Variants in TCF3 observed in about 807,000 individuals in gnomAD.
The protein encoded by TCF3 is transcription factor E2-alpha.
In TCF3, 54 loss-of-function variants were observed where a neutral mutation model predicts 72.3. The ratio of observed to expected loss-of-function variants is 0.75; its 90% confidence interval spans 0.60 to 0.94. TCF3 has a LOEUF of 0.94. Ranked by LOEUF, TCF3 falls within the 40% of genes least tolerant of loss-of-function variation. The probability of loss-of-function intolerance (pLI) is 0.00; values close to 1 mark genes in which losing one functional copy is unlikely to be tolerated. For synonymous variants in TCF3, 525 were observed against 412.6 expected (o/e 1.27, Z -3.30); for missense variants, 1,078 against 934.4 (o/e 1.15, Z -2.00).
chr19:1,652,108 C>G (rs952441553), intron 1 of TCF3, among the ~76,000 whole-genome samples, 192 bp downstream of exon 1: 12 of 150,446 alleles, frequency 8.0e-5, no homozygotes, highest in African/African-American at 2.9e-4. Flanking sequence ...GGCTCCTCCA[C>G]GTCGCCGCCC....
chr19:1,633,456 C>T (rs746480187), intron 3 of TCF3, among the ~76,000 whole-genome samples: 39 of 152,256 alleles, frequency 2.6e-4, no homozygotes, highest in Non-Finnish European at 5.1e-4. Flanking sequence ...CAGGCTCCCC[C>T]GCCCCGCCCC....
At chr19:1,635,697 T>C (rs576504198) in intron 3 of TCF3, among the ~76,000 whole-genome samples, 1 of 152,304 alleles carries the variant, frequency 6.6e-6, no homozygotes, top group African/African-American at 2.4e-5. Flanking sequence ...GGGACCACAC[T>C]ACCAACTGCT....
chr19:1,632,667 A>T (rs889369727), intron 3 of TCF3, among the ~76,000 whole-genome samples: 1 of 151,938 alleles, frequency 6.6e-6, no homozygotes, highest in African/African-American at 2.4e-5. Flanking sequence ...CTACCCACCC[A>T]CTAAAGCCCC....
intron 18 of TCF3, among the ~76,000 whole-genome samples, chr19:1,613,266 G>A (rs1382641120): frequency 6.6e-6 from 1 of 152,178 alleles, no homozygotes; most frequent in Non-Finnish European, 1.5e-5. Context: ...TACGCGACTG[G>A]CTGCCCAGGT....
In TCF3 at chr19:1,622,146, AG is replaced by A; in HGVS notation, c.729del (p.Ser244HisfsTer40). 1 of 1,584,686 alleles carries A rather than the reference AG, an allele frequency of 6.3e-7. No homozygotes were observed. The highest frequency in any genetic ancestry group is 8.6e-7 in the Non-Finnish European group (1 of 1,167,956). On this transcript the variant is annotated frameshift_variant, in exon 10 of 19. Coordinates refer to ENST00000262965, the MANE Select transcript of TCF3 (RefSeq NM_003200.5). LOFTEE classifies it high-confidence loss of function. ...CCGGGCGGGAGGGGCAGCGGGGATG[AG>A]CCCCCACCCAGCATGGGCCCGAAGC... Reference protein sequence around the residue: ...QAGFGPMLGGGSSPLPLPPGS... With the variant: ...QAGFGPMLGGXSSPLPLPPGS...
rs376627351 is a variant in TCF3 at position 1,621,867 on chromosome 19, G to A, written c.926C>T (p.Pro309Leu). The A allele has an allele frequency of 5.6e-6, 9 of 1,594,326 alleles. No homozygotes were observed. The highest frequency in any genetic ancestry group is 1.7e-6 in the Non-Finnish European group (2 of 1,172,074). ...GAGGCTGTCGGCCCCGCTGACAGGC[G>A]GCGTGTGGCTGGAGACGCCGCCGTA... ...ATYGGVSSHT[P>L]PVSGADSLLG... Residue 309 changes from proline (P) to leucine (L), a missense_variant, in exon 11 of 19, where the codon CCG becomes CTG. Coordinates refer to ENST00000262965, the MANE Select transcript of TCF3 (RefSeq NM_003200.5).
chr19:1,633,620 T>C (rs1306916929), intron 3 of TCF3, among the ~76,000 whole-genome samples: 1 of 152,242 alleles, frequency 6.6e-6, no homozygotes, highest in Non-Finnish European at 1.5e-5. Flanking sequence ...GTCTAATGAA[T>C]ATTCATGCGC....
chr19:1,626,833 T>A (rs2062942811), intron 6 of TCF3, among the ~76,000 whole-genome samples: 1 of 152,108 alleles, frequency 6.6e-6, no homozygotes, highest in South Asian at 2.1e-4. Context: ...GCCCCACCTG[T>A]GACAAGGCCG....
At chr19:1,646,205 T>C in intron 3 of TCF3, 150 bp downstream of exon 3, 1 of 856,136 alleles carries the variant, frequency 1.2e-6, no homozygotes, top group Non-Finnish European at 1.8e-6. Context: ...TTCAGGGGTC[T>C]TCAGGCTCGC....
intron 2 of TCF3, among the ~76,000 whole-genome samples, chr19:1,646,843 A>C (rs1288544894): frequency 6.6e-6 from 1 of 152,238 alleles, no homozygotes; most frequent in East Asian, 1.9e-4. Context: ...GTTTACACTC[A>C]ACAGGTGGAC....
At chr19:1,632,962 G>C (rs1340231989) in intron 3 of TCF3, among the ~76,000 whole-genome samples, 1 of 152,240 alleles carries the variant, frequency 6.6e-6, no homozygotes, top group Non-Finnish European at 1.5e-5. Flanking sequence ...CATCGGGCAG[G>C]AGGCTGGCAG....
At position 1,622,379 on chromosome 19, in the gene TCF3, CCCTGCCGTAGTCCTCA is replaced by C. The variant is rs1252467294; in HGVS notation, c.570_585del (p.Glu191MetfsTer88). 6.6e-7 allele frequency: 1 copy of C among 1,522,732 alleles called. No individual in the cohort carries two copies. Among genetic ancestry groups the C allele is most frequent in the Non-Finnish European group, 8.8e-7 (1 of 1,137,022 alleles). The allele number at this position is 1,522,732 out of a possible 1,614,324, so 94.3% of individuals were successfully genotyped here. A position where few individuals can be genotyped will look rare whatever the true frequency, so the allele number is the denominator to read the frequency against. On this transcript the variant is annotated frameshift_variant, in exon 9 of 19. Coordinates refer to ENST00000262965, the MANE Select transcript of TCF3 (RefSeq NM_003200.5). LOFTEE classifies it high-confidence loss of function. ...TTGGCGGACGGGTAGGCGGTGGCATCCCTGCCGTAGTCCTCACCTGAGCTGGGTGGGTACACCTGCG... is the reference window on the plus strand; with the variant it reads ...TTGGCGGACGGGTAGGCGGTGGCATCCCTGAGCTGGGTGGGTACACCTGCG...
intron 8 of TCF3, among the ~76,000 whole-genome samples, chr19:1,623,528 C>A (rs373175612): frequency 1.3e-5 from 2 of 152,020 alleles, no homozygotes; most frequent in African/African-American, 4.8e-5. Context: ...GGATTACAGG[C>A]ACGCACCACC....
At chr19:1,619,031 A>AC (rs1286422473) in intron 16 of TCF3, 80 bp downstream of exon 16, 1 of 1,588,202 alleles carries the variant, frequency 6.3e-7, no homozygotes, top group African/African-American at 1.3e-5. Flanking sequence ...CTGGGCTCCC[A>AC]CCCTGACCCC....
Position 1,619,237 on chromosome 19 carries a change from G to T in TCF3, c.1327-3C>A, listed in dbSNP as rs369551101. On this transcript the variant is annotated splice_region_variant and splice_polypyrimidine_tract_variant and intron_variant, in intron 15 of 18. Transcript: ENST00000262965. ...TCCTCGGGGTGGCTGCCTCCAACCT[G>T]CAGGCGTGGGGAGACGGGTGCATCA... 128 of 1,591,932 alleles carry T rather than the reference G, an allele frequency of 8.0e-5. No homozygotes were observed. The highest frequency in any genetic ancestry group is 1.0e-4 in the Non-Finnish European group (120 of 1,176,034).
rs1381395435 is a variant in TCF3, at chr19:1,620,958, C to T, written c.1093+10G>A. ...CCTCAGCCTCCCCTCCCCCCAAAAC[C>T]CTCACAGACCTGCCAGGCCCTGGGG... is the stretch of plus-strand genomic sequence containing the variant. On this transcript the variant is annotated intron_variant, in intron 13 of 18. Transcript: ENST00000262965. 1.1e-5 allele frequency: 17 copies of T among 1,485,550 alleles called. No individual in the cohort carries two copies. Among genetic ancestry groups the T allele is most frequent in the Non-Finnish European group, 1.5e-5 (17 of 1,119,558 alleles). The allele number at this position is 1,485,550 out of a possible 1,614,324, so 92.0% of individuals were successfully genotyped here. A position where few individuals can be genotyped will look rare whatever the true frequency, so the allele number is the denominator to read the frequency against.
rs78405746 is a variant in TCF3 at position 1,648,261 on chromosome 19, G to A, written c.73-1834C>T. 9.0e-3 allele frequency among the ~76,000 whole-genome samples: 1,374 copies of A among 152,354 alleles called. 48 individuals are homozygous for A. The highest frequency in any genetic ancestry group is 0.08 in the East Asian group (414 of 5,190). On this transcript the variant is annotated intron_variant, in intron 2 of 18. Coordinates refer to ENST00000262965, the MANE Select transcript of TCF3 (RefSeq NM_003200.5). ...GGCAGGGGCAGAAGGCAGGCATGCA[G>A]GAACAGAGTGGGGATGCGGGCAGTC...
At chr19:1,620,491 C>T (rs559361244) in intron 13 of TCF3, among the ~76,000 whole-genome samples, 1 of 152,360 alleles carries the variant, frequency 6.6e-6, no homozygotes, top group South Asian at 2.1e-4. Flanking sequence ...GCAACACGCA[C>T]ACATTCTAGA....
chr19:1,643,166 G>A (rs930397609), intron 3 of TCF3, among the ~76,000 whole-genome samples: 5 of 152,172 alleles, frequency 3.3e-5, no homozygotes, highest in African/African-American at 7.2e-5. Flanking sequence ...AATGTCTTCC[G>A]ATCCAGACAA....
Sources: allele counts gnomAD v4.1 joint callset (sites outside exome capture counted in the v4.1 genomes callset), GRCh38; gene constraint gnomAD v4.1.1; transcripts MANE v1.5; gene names NCBI Gene and HGNC (gene_info 2026-07-23, HGNC 2026-07-21).